The following SRI variants were observed in gnomAD, a reference collection of about 807,000 sequenced individuals.
SRI encodes the protein sorcin.
SRI carries 30 observed loss-of-function variants against 33.3 expected under a neutral mutation model. That is an observed-to-expected ratio of 0.90 (90% confidence interval 0.67 to 1.22). The LOEUF (loss-of-function observed/expected upper bound fraction) is 1.22. SRI is among the 50% of genes most tolerant of loss of function. The pLI is 0.00. For missense variants in SRI, 243 were observed against 250.8 expected (o/e 0.97, Z 0.21); for synonymous variants, 75 against 89.9 (o/e 0.83, Z 0.94).
At chr7:88,220,221 G>A, upstream of SRI, 4 of 1,311,824 alleles carry the variant, frequency 3.0e-6, no homozygotes, top group Non-Finnish European at 3.9e-6. Context: ...TCGTATCTTT[G>A]CCATTACGGC....
chr7:88,223,908 T>G (rs964189231), upstream of SRI, among the ~76,000 whole-genome samples: 1 of 151,954 alleles, frequency 6.6e-6, no homozygotes, highest in Admixed American at 6.6e-5. Flanking sequence ...ATTTACTAAG[T>G]CCTAAAAAAA....
chr7:88,223,196 G>A (rs1210452062), upstream of SRI, among the ~76,000 whole-genome samples: 1 of 152,096 alleles, frequency 6.6e-6, no homozygotes. Context: ...TAGTTTGCTG[G>A]AAAAAATTGT....
chr7:88,219,752 C>T (rs918910376), intron 1 of SRI, among the ~76,000 whole-genome samples: 3 of 152,162 alleles, frequency 2.0e-5, no homozygotes, highest in African/African-American at 4.8e-5. Flanking sequence ...TCCACCCTCA[C>T]CTTGGCCCCG....
intron 5 of SRI, 102 bp from the exon 6 acceptor site, chr7:88,209,554 T>C (rs867258071): frequency 1.1e-5 from 9 of 827,138 alleles, no homozygotes; most frequent in Middle Eastern, 2.7e-4. Context: ...TGCAGACTCA[T>C]ATTAATTATG....
In SRI at chr7:88,206,455, C is replaced by T. The variant is rs1454397901; in HGVS notation, c.*23G>A. 2.5e-6 allele frequency: 4 copies of T among 1,613,662 alleles called. No homozygotes were observed. Among genetic ancestry groups the T allele is most frequent in the Non-Finnish European group, 2.5e-6 (3 of 1,179,744 alleles). ...AGAGCTCCAGTTGGAATGTTGATTA[C>T]ATTCATGCAGCTTCCTCTTGATTTA... On this transcript the variant is annotated 3_prime_UTR_variant, in exon 8 of 8. Transcript: ENST00000265729.
chr7:88,212,358 A>T (rs1851600056), intron 3 of SRI, among the ~76,000 whole-genome samples: 1 of 152,194 alleles, frequency 6.6e-6, no homozygotes, highest in Middle Eastern at 3.2e-3. Context: ...TTTGGGAAAG[A>T]GCTGGTAGAT....
At chr7:88,208,913 A>AT in intron 6 of SRI, 1 of 321,066 alleles carries the variant, frequency 3.1e-6, no homozygotes, top group East Asian at 7.2e-5. Context: ...TAACAAAGAT[A>AT]CTGCTTAAGA....
At chr7:88,206,815 G>A (rs559258003) in intron 7 of SRI, among the ~76,000 whole-genome samples, 3 of 152,088 alleles carry the variant, frequency 2.0e-5, no homozygotes, top group South Asian at 2.1e-4. Flanking sequence ...AGAAATGGCC[G>A]TGGTCAAAGA....
chr7:88,211,999 A>C (rs1172448774), intron 3 of SRI, among the ~76,000 whole-genome samples: 2 of 152,260 alleles, frequency 1.3e-5, no homozygotes, highest in Admixed American at 1.3e-4. Context: ...GAAATTGTAT[A>C]GGTACAAAGA....
upstream of SRI, among the ~76,000 whole-genome samples, chr7:88,223,316 A>C (rs1477848269): frequency 6.6e-6 from 1 of 152,190 alleles, no homozygotes; most frequent in Non-Finnish European, 1.5e-5. Flanking sequence ...GATAGGTACT[A>C]TTGTCATTCC....
At position 88,210,011 on chromosome 7, in the gene SRI, T is replaced by C; in HGVS notation, c.369A>G (p.Gln123=). The C allele has an allele frequency of 1.2e-6, 2 of 1,614,198 alleles. No individual in the cohort carries two copies. The highest frequency in any genetic ancestry group is 1.7e-6 in the Non-Finnish European group (2 of 1,180,022). The change falls in exon 5 of 8, where the codon CAA becomes CAG. Residue 123 remains glutamine (Q), a synonymous_variant. Transcript: ENST00000265729. The part of the protein sequence containing the change: ...DTDRSGTVDP[Q]ELQKALTTMG... ...TTGTTGTCAGGGCCTTCTGCAATTC[T>C]TGTGGGTCTACTGTTCCACTCCTGT...
chr7:88,223,830 A>G (rs1157918915), upstream of SRI, among the ~76,000 whole-genome samples: 4 of 152,196 alleles, frequency 2.6e-5, no homozygotes, highest in African/African-American at 7.2e-5. Flanking sequence ...GCAGTTTAGC[A>G]CTTTAGCAAA....
chr7:88,213,294 GATA>G (rs1057407908), intron 3 of SRI, among the ~76,000 whole-genome samples: 64 of 152,222 alleles, frequency 4.2e-4, no homozygotes, highest in African/African-American at 1.5e-3. Flanking sequence ...CTGCTCTCAG[GATA>G]AAGTCCAAGC....
At chr7:88,219,917 G>A (rs1232737068) in intron 1 of SRI, 59 bp downstream of exon 1, 16 of 1,525,648 alleles carry the variant, frequency 1.0e-5, no homozygotes, top group African/African-American at 1.4e-5. Context: ...GCATCTCCAA[G>A]GTGGCCTCTT....
chr7:88,218,939 C>T lies in SRI; in HGVS notation c.55G>A (p.Gly19Arg). 1.9e-6 allele frequency: 3 copies of T among 1,613,824 alleles called. No homozygotes were observed. Among genetic ancestry groups the T allele is most frequent in the Non-Finnish European group, 1.7e-6 (2 of 1,179,784 alleles). The change falls in exon 2 of 8, where the codon GGA becomes AGA. Residue 19 changes from glycine to arginine, a missense_variant. Physicochemically the swap from Gly to Arg is moderately radical, Grantham distance 125. Transcript: ENST00000265729. ...AGGGYYPGGYGGAPGGPAFPG... is the reference protein window; with the variant it reads ...AGGGYYPGGYRGAPGGPAFPG... ...AACGCAGGCCCTCCGGGAGCCCCTC[C>T]ATACTGTGAAACAGGAAACACATAC...
Position 88,217,042 on chromosome 7 carries a change from T to C in SRI, c.205+80A>G, listed in dbSNP as rs1586718808. The C allele has an allele frequency of 2.3e-6, 3 of 1,306,894 alleles. No individual in the cohort carries two copies. The East Asian group carries it at 6.9e-5, about 30-fold the overall frequency. The allele number at this position is 1,306,894 out of a possible 1,614,324, so 81.0% of individuals were successfully genotyped here. On this transcript the variant is annotated intron_variant, in intron 3 of 7. Coordinates refer to ENST00000265729, the MANE Select transcript of SRI (RefSeq NM_003130.4). ...CTAGATCCGACAAGCTCAGTTTTCT[T>C]GAAGGCTGTAATCACAAGTAACAGC...
chr7:88,217,410 C>CT (rs1479816694), intron 2 of SRI, among the ~76,000 whole-genome samples: 7 of 152,154 alleles, frequency 4.6e-5, no homozygotes, highest in African/African-American at 1.4e-4. Flanking sequence ...AAGAGTCTGT[C>CT]TTGGCAACTA....
intron 2 of SRI, among the ~76,000 whole-genome samples, chr7:88,217,602 C>T (rs1449768308): frequency 4.6e-5 from 7 of 152,094 alleles, no homozygotes; most frequent in African/African-American, 1.7e-4. Flanking sequence ...TTTTTCAGAG[C>T]ACAAATACAT....
intron 3 of SRI, among the ~76,000 whole-genome samples, chr7:88,213,185 C>T (rs1327315828): frequency 1.3e-5 from 2 of 152,172 alleles, no homozygotes; most frequent in Non-Finnish European, 2.9e-5. Context: ...TAATGGGCAT[C>T]CCTGACTCTT....
Sources: allele counts gnomAD v4.1 joint callset (sites outside exome capture counted in the v4.1 genomes callset), GRCh38; gene constraint gnomAD v4.1.1; transcripts MANE v1.5; gene names NCBI Gene and HGNC (gene_info 2026-07-23, HGNC 2026-07-21).